The following DST variants were observed in gnomAD, a reference collection of about 807,000 sequenced individuals.
The protein encoded by DST is bullous pemphigoid antigen.
In DST, 253 loss-of-function variants were observed where a neutral mutation model predicts 875.2. That is an observed-to-expected ratio of 0.29 (90% confidence interval 0.26 to 0.32). The LOEUF (loss-of-function observed/expected upper bound fraction) is 0.32. Among genes scored for constraint, DST ranks in the 10% least tolerant of loss-of-function variants. The pLI is 1.00. For synonymous variants in DST, 3,124 were observed against 3,197.1 expected (o/e 0.98, Z 0.77); for missense variants, 8,287 against 9,111.6 (o/e 0.91, Z 3.68).
chr6:56,605,501 G>C lies in DST; in HGVS notation c.9127C>G (p.Leu3043Val), dbSNP rs562665636. ...TGAATTGATGTTTCATCTTCTATTA[G>C]AATATCACTTTTGCCATCTCTCCCT... is the stretch of plus-strand genomic sequence containing the variant. ...IKGRDGKSDI[L>V]IEDETSIQKM... The change falls in exon 40 of 104, where the codon CTA becomes GTA. Residue 3043 changes from leucine to valine, a missense_variant. Coordinates refer to ENST00000680361, the MANE Select transcript of DST (RefSeq NM_001374736.1). The C allele has an allele frequency of 4.3e-5, 70 of 1,612,838 alleles. 1 individual carries two copies. The South Asian group carries it at 7.7e-4, about 18-fold the overall frequency.
chr6:56,562,176 C>T lies in DST; in HGVS notation c.14030G>A (p.Gly4677Glu), dbSNP rs1296085242. The change falls in exon 56 of 104, where the codon GGA (glycine) becomes GAA (glutamate). Residue 4677 changes from glycine to glutamate, a missense_variant. Physicochemically the swap from Gly to Glu is moderately conservative, Grantham distance 98. Transcript: ENST00000680361. Reference sequence around the variant, plus strand: ...AAATTCCTCAGTATTTGTGGCTGTTCCTTCACCATTTAATACTGCTCCACC... The same window carrying T: ...AAATTCCTCAGTATTTGTGGCTGTTTCTTCACCATTTAATACTGCTCCACC... ...KSGGAVLNGE[G>E]TATNTEEFWA... 3 of 1,555,984 alleles carry T rather than the reference C, an allele frequency of 1.9e-6. No homozygotes were observed. Among genetic ancestry groups the T allele is most frequent in the Non-Finnish European group, 2.6e-6 (3 of 1,149,582 alleles).
chr6:56,787,012 C>T (rs889603688), intron 4 of DST, among the ~76,000 whole-genome samples: 10 of 152,198 alleles, frequency 6.6e-5, no homozygotes, highest in Non-Finnish European at 4.4e-5. Context: ...TATTAGTCAC[C>T]ATGTGCCAGG....
At position 56,599,987 on chromosome 6, in the gene DST, T is replaced by C. The variant is rs150737708; in HGVS notation, c.11694+82A>G. The C allele has an allele frequency of 6.4e-4, 856 of 1,335,886 alleles. 2 individuals are homozygous for C. In the East Asian group the frequency reaches 0.013, roughly 20 times the overall value. 82.8% of individuals were successfully genotyped at this position (1,335,886 alleles called of 1,614,324 possible). The stretch of plus-strand genomic sequence containing the variant: ...TAAAAAGCTAAAATTACTGGTATTT[T>C]CAATAATCTTCACTGACTTCCAAAT... On this transcript the variant is annotated intron_variant, in intron 45 of 103. Coordinates refer to ENST00000680361, the MANE Select transcript of DST (RefSeq NM_001374736.1).
chr6:56,696,465 A>G (rs1164659200), intron 9 of DST, among the ~76,000 whole-genome samples: 5 of 152,122 alleles, frequency 3.3e-5, no homozygotes, highest in Admixed American at 6.6e-5. Context: ...CACGGCCCGC[A>G]AAACTTCTTT....
At chr6:56,636,841 G>C (rs1332072212) in intron 22 of DST, among the ~76,000 whole-genome samples, 189 bp from the exon 23 acceptor site, 1 of 152,198 alleles carries the variant, frequency 6.6e-6, no homozygotes, top group Non-Finnish European at 1.5e-5. Context: ...CAACACTTTG[G>C]GAGGCCAAGG....
At chr6:56,703,018 GACAAAAGAAGAAGC>G (rs1278415207) in intron 7 of DST, among the ~76,000 whole-genome samples, 1 of 152,152 alleles carries the variant, frequency 6.6e-6, no homozygotes, top group African/African-American at 2.4e-5. Flanking sequence ...GTATGTAGAA[GACAAAAGAAGAAGC>G]ACGTCTGTCT....
intron 90 of DST, 139 bp downstream of exon 90, chr6:56,481,911 T>A: frequency 1.1e-6 from 1 of 921,116 alleles, no homozygotes; most frequent in Non-Finnish European, 1.6e-6. Flanking sequence ...TGGACAGAAG[T>A]ACACTCTCAA....
rs768611198 is a variant in DST, at chr6:56,616,651, C to A, written c.4930-2167G>T. On this transcript the variant is annotated intron_variant, in intron 36 of 103. Coordinates refer to ENST00000680361, the MANE Select transcript of DST (RefSeq NM_001374736.1). ...ACTGTAAGATGGCATTATTCAACAA[C>A]CCCTGCTGCAGAGCAATTTCTGGAG... The A allele has an allele frequency of 9.3e-6, 15 of 1,614,204 alleles. No individual in the cohort carries two copies. Among genetic ancestry groups the A allele is most frequent in the Non-Finnish European group, 1.3e-5 (15 of 1,180,040 alleles).
chr6:56,609,396 G>T (rs940016683), intron 39 of DST, 52 bp from the exon 40 acceptor site: 2 of 1,297,654 alleles, frequency 1.5e-6, no homozygotes, highest in Non-Finnish European at 2.1e-6. Context: ...AAGGGTGGGC[G>T]GAGTTTCATG....
chr6:56,606,735 A>G lies in DST; in HGVS notation c.7893T>C (p.Asp2631=). 2 of 1,613,488 alleles carry G rather than the reference A, an allele frequency of 1.2e-6. No individual in the cohort carries two copies. Among genetic ancestry groups the G allele is most frequent in the East Asian group, 4.5e-5 (2 of 44,870 alleles). Residue 2631 remains aspartate, a synonymous_variant, in exon 40 of 104, where the codon GAT becomes GAC. Transcript: ENST00000680361. ...DDHDSLLLDG[D]DRDCLHPEDY... is the part of the protein sequence containing the mutation. Reference sequence around the variant, plus strand: ...CCTCAGGGTGCAGGCAATCACGATCATCACCATCAAGAAGCAAAGAATCAT... The same window carrying G: ...CCTCAGGGTGCAGGCAATCACGATCGTCACCATCAAGAAGCAAAGAATCAT...
chr6:56,676,148 T>A (rs147850073), intron 9 of DST, among the ~76,000 whole-genome samples: 2,911 of 152,004 alleles, frequency 0.019, 26 homozygotes, highest in Non-Finnish European at 0.029. Flanking sequence ...CTCACTGCAA[T>A]CTCCACCTCC....
At chr6:56,634,104 T>C (rs1440262159) in intron 27 of DST, 28 bp downstream of exon 27, 7 of 1,611,960 alleles carry the variant, frequency 4.3e-6, no homozygotes, top group Middle Eastern at 1.6e-4. Context: ...TTTGGACATA[T>C]CGAGTTGACA....
Position 56,578,900 on chromosome 6 carries a change from A to G in DST, c.12941T>C (p.Val4314Ala), listed in dbSNP as rs1468495919. 6.2e-7 allele frequency: 1 copy of G among 1,604,838 alleles called. No homozygotes were observed. The highest frequency in any genetic ancestry group is 1.3e-5 in the African/African-American group (1 of 74,838). The change falls in exon 50 of 104, where the codon GTA (valine) becomes GCA (alanine). Residue 4314 changes from valine (V) to alanine (A), a missense_variant. Physicochemically the swap from Val to Ala is moderately conservative, Grantham distance 64. This residue lies in a region of DST where 1,513 missense variants were observed against 1,677.8 expected (regional missense o/e 0.90). Transcript: ENST00000680361. ...TTCAGCCGTTTTCTTCAGTTTCTCT[A>G]CAGCAACCTGCTGACTTGATATCTG... is the stretch of plus-strand genomic sequence containing the variant. The part of the protein sequence containing the change: ...QGQISSQQVA[V>A]EKLKKTAEVL...
intron 5 of DST, among the ~76,000 whole-genome samples, chr6:56,706,921 C>T (rs1419218774): frequency 6.6e-6 from 1 of 152,242 alleles, no homozygotes; most frequent in Non-Finnish European, 1.5e-5. Flanking sequence ...AGGAGAATCA[C>T]TCGAACCCAA....
chr6:56,912,077 C>T (rs1799009094), intron 2 of DST, among the ~76,000 whole-genome samples: 1 of 152,198 alleles, frequency 6.6e-6, no homozygotes, highest in African/African-American at 2.4e-5. Context: ...AAAGTGACTC[C>T]AGGCTCTTTC....
rs770460294 is a variant in DST at position 56,477,403 on chromosome 6, G to T, written c.21617C>A (p.Pro7206His). 3 of 1,613,954 alleles carry T rather than the reference G, an allele frequency of 1.9e-6. No individual in the cohort carries two copies. In the East Asian group the frequency reaches 6.7e-5, roughly 36 times the overall value. Residue 7206 changes from proline to histidine, a missense_variant, in exon 91 of 104, where the codon CCC becomes CAC. Physicochemically the swap from Pro to His is moderately conservative, Grantham distance 77. Transcript: ENST00000680361. ...GTGCTTAATGGTAGTGATGGAGTCG[G>T]GGTGGCAGATAGCCAAAACGGTGTC... ...MGDTVLAICH[P>H]DSITTIKHWI... is the part of the protein sequence containing the mutation.
At chr6:56,950,891 T>A (rs560755369) in intron 2 of DST, among the ~76,000 whole-genome samples, 82 of 152,296 alleles carry the variant, frequency 5.4e-4, no homozygotes, top group Admixed American at 1.8e-3. Flanking sequence ...ATTATAAACA[T>A]CTATATTACT....
intron 3 of DST, among the ~76,000 whole-genome samples, chr6:56,864,794 G>A (rs1331417451): frequency 1.3e-5 from 2 of 152,008 alleles, no homozygotes; most frequent in African/African-American, 2.4e-5. Flanking sequence ...ACTTAGAATT[G>A]CAGTGATTAT....
intron 3 of DST, chr6:56,871,265 CTT>C: frequency 1.3e-6 from 1 of 778,604 alleles, no homozygotes; most frequent in Non-Finnish European, 2.4e-6. Flanking sequence ...TTCGTGTTCA[CTT>C]TAAGAACACT....
Sources: gnomAD v4.1 joint callset for allele counts (sites outside exome capture counted in the v4.1 genomes callset) on GRCh38, gnomAD v4.1.1 for gene constraint, gnomAD v4.1.1 regional missense constraint, MANE v1.5 for transcripts, NCBI Gene and HGNC (gene_info 2026-07-23, HGNC 2026-07-21) for gene names.